SCFD2: variants seen among roughly 807,000 people sequenced by gnomAD.
SCFD2 encodes sec1 family domain-containing protein 2.
A neutral mutation model predicts 58.9 loss-of-function variants in SCFD2; 54 were observed. The observed-to-expected ratio is 0.92, with a 90% confidence interval of 0.74 to 1.15. SCFD2 has a LOEUF of 1.15. Ranked by LOEUF, SCFD2 falls within the 50% of genes most tolerant of loss-of-function variation. The pLI is 0.00. For synonymous variants in SCFD2, 321 were observed against 335.9 expected (o/e 0.96, Z 0.49); for missense variants, 805 against 836.6 (o/e 0.96, Z 0.47).
chr4:53,110,042 GAAC>G, intron 5 of SCFD2, among the ~76,000 whole-genome samples: 1 of 9,004 alleles, frequency 1.1e-4, no homozygotes, highest in Middle Eastern at 0.045. Flanking sequence ...CAGACCAATG[GAAC>G]AGAACAGAAC....
chr4:53,089,056 A>G (rs1203352335), intron 5 of SCFD2, among the ~76,000 whole-genome samples: 2 of 152,138 alleles, frequency 1.3e-5, no homozygotes, highest in African/African-American at 4.8e-5. Context: ...TGAACCTGGA[A>G]GAAGGCCCTC....
At chr4:52,982,861 A>C (rs1344909539) in intron 5 of SCFD2, among the ~76,000 whole-genome samples, 1 of 152,182 alleles carries the variant, frequency 6.6e-6, no homozygotes, top group East Asian at 1.9e-4. Flanking sequence ...CTTCATCCCA[A>C]TTTATTTTGG....
At chr4:53,157,956 G>A (rs964428976) in intron 4 of SCFD2, among the ~76,000 whole-genome samples, 5 of 152,156 alleles carry the variant, frequency 3.3e-5, no homozygotes, top group Non-Finnish European at 7.3e-5. Context: ...AATTATGTGC[G>A]CTCAGTTAAA....
At chr4:53,331,658 T>C (rs1026612711) in intron 2 of SCFD2, among the ~76,000 whole-genome samples, 4 of 151,996 alleles carry the variant, frequency 2.6e-5, no homozygotes, top group Admixed American at 2.0e-4. Context: ...AGATCTAAAA[T>C]TGACACCCTA....
At chr4:53,097,502 T>C (rs552243838) in intron 5 of SCFD2, among the ~76,000 whole-genome samples, 7 of 152,334 alleles carry the variant, frequency 4.6e-5, no homozygotes, top group African/African-American at 1.7e-4. Context: ...TCACTCATGA[T>C]TTGGCTCTCT....
chr4:53,146,433 G>A (rs1726333956), intron 4 of SCFD2, among the ~76,000 whole-genome samples: 1 of 152,034 alleles, frequency 6.6e-6, no homozygotes, highest in Admixed American at 6.6e-5. Context: ...TCTACACTTT[G>A]TATTTATATT....
chr4:53,020,984 A>G (rs1186414374), intron 5 of SCFD2, among the ~76,000 whole-genome samples: 1 of 152,182 alleles, frequency 6.6e-6, no homozygotes, highest in Non-Finnish European at 1.5e-5. Flanking sequence ...CCACCTCATC[A>G]TGTAACCCTA....
intron 4 of SCFD2, among the ~76,000 whole-genome samples, chr4:53,243,816 G>T (rs1443949360): frequency 1.3e-5 from 2 of 152,090 alleles, no homozygotes; most frequent in Non-Finnish European, 2.9e-5. Flanking sequence ...CAAGCAAATG[G>T]AAAGCAGAAA....
chr4:53,311,176 G>C lies in SCFD2; in HGVS notation c.1135+2460C>G, dbSNP rs146999494. Among the ~76,000 whole-genome samples, 1,306 of 152,280 alleles carry C rather than the reference G, an allele frequency of 8.6e-3. 13 individuals carry two copies. Among genetic ancestry groups the C allele is most frequent in the Middle Eastern group, 0.048 (14 of 294 alleles). The stretch of plus-strand genomic sequence containing the variant: ...TAGTGATATGAAGCAAAAATGGGCA[G>C]CCATACTGTGTTATCTGTTACTAAA... On this transcript the variant is annotated intron_variant, in intron 3 of 8. Transcript: ENST00000401642.
At chr4:53,183,655 TAATA>T (rs1239636008) in intron 4 of SCFD2, among the ~76,000 whole-genome samples, 41 of 123,114 alleles carry the variant, frequency 3.3e-4, no homozygotes, top group African/African-American at 1.1e-3. Flanking sequence ...AGTATAATAA[TAATA>T]AAATTAAAAA....
At chr4:52,893,123 CTT>C (rs1234136133) in intron 7 of SCFD2, among the ~76,000 whole-genome samples, 2 of 152,270 alleles carry the variant, frequency 1.3e-5, no homozygotes, top group Middle Eastern at 3.4e-3. Flanking sequence ...ATATTTTCCT[CTT>C]GTCGGAAATG....
chr4:53,006,668 T>G (rs1185404622), intron 5 of SCFD2, among the ~76,000 whole-genome samples: 2 of 152,214 alleles, frequency 1.3e-5, no homozygotes, highest in Non-Finnish European at 2.9e-5. Flanking sequence ...AAGCTTAAAA[T>G]ATAGACTGTC....
intron 5 of SCFD2, among the ~76,000 whole-genome samples, chr4:53,138,437 T>C (rs1726007802): frequency 6.6e-6 from 1 of 152,242 alleles, no homozygotes; most frequent in Non-Finnish European, 1.5e-5. Context: ...TCAAATGGTT[T>C]TCTTTGTTTT....
chr4:53,247,049 GTTGAATAC>G (rs1730105032), intron 4 of SCFD2, among the ~76,000 whole-genome samples: 1 of 148,128 alleles, frequency 6.8e-6, no homozygotes, highest in Non-Finnish European at 1.5e-5. Flanking sequence ...GTGGGCAAAG[GTTGAATAC>G]TAAGAATGAG....
chr4:53,176,663 GT>G (rs1445972351), intron 4 of SCFD2, among the ~76,000 whole-genome samples: 1 of 152,192 alleles, frequency 6.6e-6, no homozygotes, highest in East Asian at 1.9e-4. Flanking sequence ...ACAGAAACAG[GT>G]TTTGGATGGG....
intron 2 of SCFD2, among the ~76,000 whole-genome samples, chr4:53,329,395 T>A (rs1733342480): frequency 1.3e-5 from 2 of 151,926 alleles, no homozygotes; most frequent in Admixed American, 1.3e-4. Context: ...CAGCTGGAGA[T>A]CTCAGAACGG....
In SCFD2 at chr4:53,273,369, C is replaced by T. The variant is rs1269517054; in HGVS notation, c.1311+457G>A. Among the ~76,000 whole-genome samples the T allele has an allele frequency of 2.0e-5, 3 of 152,120 alleles. No individual in the cohort carries two copies. The East Asian group carries it at 5.8e-4, about 29-fold the overall frequency. On this transcript the variant is annotated intron_variant, in intron 4 of 8. Transcript: ENST00000401642. ...CATACAAATATCTGTATAAACACTA[C>T]AAATGGAGATCACTTCCTTCATTTT...
chr4:53,326,673 T>C (rs1306728738), intron 2 of SCFD2, among the ~76,000 whole-genome samples: 3 of 152,278 alleles, frequency 2.0e-5, no homozygotes, highest in Non-Finnish European at 2.9e-5. Flanking sequence ...CTAGAAGATA[T>C]GCAGTCTTGC....
chr4:53,012,246 C>A (rs1046691772), intron 5 of SCFD2, among the ~76,000 whole-genome samples: 8 of 152,032 alleles, frequency 5.3e-5, no homozygotes, highest in African/African-American at 1.9e-4. Flanking sequence ...TGAAATCGAA[C>A]AACTGCATAT....
Sources: allele counts gnomAD v4.1 joint callset (sites outside exome capture counted in the v4.1 genomes callset), GRCh38; gene constraint gnomAD v4.1.1; transcripts MANE v1.5; gene names NCBI Gene and HGNC (gene_info 2026-07-23, HGNC 2026-07-21).